Variants in PCDHGA2 observed in about 807,000 individuals in gnomAD.
PCDHGA2 encodes the protein protocadherin gamma subfamily A, 2.
In PCDHGA2, 40 loss-of-function variants were observed where a neutral mutation model predicts 59.2. That is an observed-to-expected ratio of 0.68 (90% CI 0.52 to 0.88). PCDHGA2 has a LOEUF of 0.88. Among genes scored for constraint, PCDHGA2 ranks in the 40% least tolerant of loss-of-function variants. The pLI, the probability that PCDHGA2 is intolerant of heterozygous loss-of-function variation, is 0.00. For missense variants in PCDHGA2, 1,226 were observed against 1,204.0 expected (o/e 1.02, Z -0.27); for synonymous variants, 560 against 526.0 (o/e 1.06, Z -0.89).
In PCDHGA2 at chr5:141,357,339, A is replaced by T. The variant is rs771047184; in HGVS notation, c.2424+15944A>T. 8.7e-6 allele frequency: 14 copies of T among 1,613,986 alleles called. No homozygotes were observed. In the South Asian group the frequency reaches 1.5e-4, roughly 18 times the overall value. On this transcript the variant is annotated intron_variant, in intron 1 of 3. Transcript: ENST00000394576. Reference sequence around the variant, plus strand: ...TGGCTTTTGTCACGGTGCTGCTAGCACTCAAGCTGAGACGCTGGCACAAGT... The same window carrying T: ...TGGCTTTTGTCACGGTGCTGCTAGCTCTCAAGCTGAGACGCTGGCACAAGT...
chr5:141,387,642 C>T lies in PCDHGA2; in HGVS notation c.2424+46247C>T, dbSNP rs554256672. 8.0e-6 allele frequency: 5 copies of T among 622,368 alleles called. No homozygotes were observed. In the South Asian group the frequency reaches 1.1e-4, roughly 14 times the overall value. The allele number at this position is 622,368 out of a possible 1,614,324, so 38.6% of individuals were successfully genotyped here. On this transcript the variant is annotated intron_variant, in intron 1 of 3. Transcript: ENST00000394576. Reference sequence around the variant, plus strand: ...TGCTGACTCTGGGCGCCGCTGTTGGCCAAAGTGGAGAGCTTGGCGCTCCAG... The same window carrying T: ...TGCTGACTCTGGGCGCCGCTGTTGGTCAAAGTGGAGAGCTTGGCGCTCCAG...
intron 1 of PCDHGA2, chr5:141,352,794 A>G (rs1759109837): frequency 1.0e-6 from 1 of 956,230 alleles, no homozygotes; most frequent in Non-Finnish European, 1.5e-6. Flanking sequence ...GTTTGAGACC[A>G]GCATAGCCAA....
intron 1 of PCDHGA2, chr5:141,404,204 T>A: frequency 6.2e-7 from 1 of 1,613,718 alleles, no homozygotes; most frequent in Non-Finnish European, 8.5e-7. Context: ...AGCCTCAGAA[T>A]ATAATATCAC....
At chr5:141,374,600 A>T (rs1770639456) in intron 1 of PCDHGA2, 1 of 1,613,658 alleles carries the variant, frequency 6.2e-7, no homozygotes, top group Admixed American at 1.7e-5. Flanking sequence ...ATTTAAGCTC[A>T]GTGGTAATAG....
rs1386912520 is a variant in PCDHGA2 at position 141,505,425 on chromosome 5, C to T, written c.2516C>T (p.Pro839Leu). 1.2e-6 allele frequency: 2 copies of T among 1,614,060 alleles called. No individual in the cohort carries two copies. The highest frequency in any genetic ancestry group is 1.7e-6 in the Non-Finnish European group (2 of 1,180,022). The change falls in exon 3 of 4, where the codon CCC becomes CTC. Residue 839 changes from proline to leucine, a missense_variant. Physicochemically the swap from Pro to Leu is moderately conservative, Grantham distance 98 (BLOSUM62 -3). Transcript: ENST00000394576. ...AATGGCGATGACACCGGCACCTGGC[C>T]CAACAACCAGTTTGACACAGAGATG... ...SQNGDDTGTW[P>L]NNQFDTEMLQ... is the part of the protein sequence containing the mutation.
intron 1 of PCDHGA2, among the ~76,000 whole-genome samples, chr5:141,347,156 T>TTTCTTTCTTTCTTTCTTTCTTTC (rs2149744116): frequency 7.2e-6 from 1 of 139,788 alleles, no homozygotes; most frequent in African/African-American, 2.7e-5. Flanking sequence ...TCTTTCTTTC[T>TTTCTTTCTTTCTTTCTTTCTTTC]TTCTTTCTTT....
At chr5:141,399,501 C>G in intron 1 of PCDHGA2, 1 of 1,614,030 alleles carries the variant, frequency 6.2e-7, no homozygotes, top group South Asian at 1.1e-5. Flanking sequence ...TCAGTGTACC[C>G]GAAAACAACC....
At chr5:141,417,854 C>G in intron 1 of PCDHGA2, 2 of 1,543,902 alleles carry the variant, frequency 1.3e-6, no homozygotes, top group Non-Finnish European at 1.8e-6. Flanking sequence ...AGAACCCGAG[C>G]GAACGATGGG....
intron 2 of PCDHGA2, among the ~76,000 whole-genome samples, chr5:141,504,859 C>T (rs1396681670): frequency 6.6e-6 from 1 of 152,090 alleles, no homozygotes; most frequent in African/African-American, 2.4e-5. Context: ...TCTTCCATTT[C>T]CCACCTTCAC....
intron 1 of PCDHGA2, chr5:141,399,019 A>G (rs576771907): frequency 2.5e-6 from 4 of 1,613,932 alleles, no homozygotes; most frequent in East Asian, 2.2e-5. Context: ...CGGAGAAATT[A>G]CCACTCAAAA....
At chr5:141,399,987 A>T in intron 1 of PCDHGA2, 1 of 1,612,224 alleles carries the variant, frequency 6.2e-7, no homozygotes, top group Non-Finnish European at 8.5e-7. Flanking sequence ...TGCGCACAGG[A>T]GAGGTGCGCA....
At position 141,489,985 on chromosome 5, in the gene PCDHGA2, G is replaced by C. The variant is rs761481986; in HGVS notation, c.2425-4822G>C. ...AACCTTCCAATCCTCAGTTCTACGT[G>C]TGGGAATCCCAGAGAATGCACCCAT... On this transcript the variant is annotated intron_variant, in intron 1 of 3. Coordinates refer to ENST00000394576, the MANE Select transcript of PCDHGA2 (RefSeq NM_018915.4). This position sits in a 1 kb window ranked among gnomAD's most constrained non-coding sequence, Gnocchi z 4.5. 3 of 1,614,212 alleles carry C rather than the reference G, an allele frequency of 1.9e-6. No individual in the cohort carries two copies. The East Asian group carries it at 6.7e-5, about 36-fold the overall frequency.
intron 1 of PCDHGA2, chr5:141,403,939 G>C: frequency 6.2e-7 from 1 of 1,613,852 alleles, no homozygotes; most frequent in Non-Finnish European, 8.5e-7. Context: ...GATTGAAAGG[G>C]TGGACAAAAG....
At chr5:141,474,834 A>G (rs557557147) in intron 1 of PCDHGA2, among the ~76,000 whole-genome samples, 4 of 152,380 alleles carry the variant, frequency 2.6e-5, no homozygotes, top group South Asian at 4.1e-4. Context: ...ACTCTGTGCC[A>G]GGCACTTTAC....
chr5:141,430,914 T>G (rs750607631), intron 1 of PCDHGA2: 1 of 1,607,676 alleles, frequency 6.2e-7, no homozygotes, highest in Non-Finnish European at 8.5e-7. Context: ...TCCAGGGACC[T>G]GGGGCTGGAG....
chr5:141,356,222 A>G (rs759995020), intron 1 of PCDHGA2: 1 of 1,598,310 alleles, frequency 6.3e-7, no homozygotes, highest in South Asian at 1.1e-5. Context: ...CTGGATGAAA[A>G]TGACAACGCA....
intron 1 of PCDHGA2, chr5:141,376,371 C>T: frequency 1.2e-6 from 2 of 1,614,196 alleles, no homozygotes; most frequent in African/African-American, 1.3e-5. Flanking sequence ...ACTGCAGACT[C>T]GCGTAAGAGT....
At chr5:141,392,694 CCT>C in intron 1 of PCDHGA2, 4 of 1,186,390 alleles carry the variant, frequency 3.4e-6, no homozygotes, top group Non-Finnish European at 4.6e-6. Flanking sequence ...AAACCCGACC[CCT>C]GTTTGGAGGC....
intron 1 of PCDHGA2, among the ~76,000 whole-genome samples, chr5:141,381,798 C>CTCTTCCTTTCTT (rs1777449069): frequency 6.9e-6 from 1 of 144,134 alleles, no homozygotes; most frequent in African/African-American, 2.7e-5. Flanking sequence ...AGGCAATTCC[C>CTCTTCCTTTCTT]TCTTTCTTTC....
Sources: allele counts gnomAD v4.1 joint callset (sites outside exome capture counted in the v4.1 genomes callset), GRCh38; gene constraint gnomAD v4.1.1; non-coding constraint Gnocchi (gnomAD v3.1); transcripts MANE v1.5; gene names NCBI Gene and HGNC (gene_info 2026-07-23, HGNC 2026-07-21).